ACYP2: variants seen among roughly 807,000 people sequenced by gnomAD.
The protein encoded by ACYP2 is acylphosphatase 2, also known as acylphosphatase-2.
Under a neutral mutation model 11.2 loss-of-function variants are expected in ACYP2, and 12 were observed. The ratio of observed to expected loss-of-function variants is 1.08; its 90% CI spans 0.69 to 1.74. The LOEUF (loss-of-function observed/expected upper bound fraction) is 1.74, where lower values mean the gene tolerates loss of function less well. Among genes scored for constraint, ACYP2 ranks in the 40% most tolerant of loss-of-function variants. The probability of loss-of-function intolerance (pLI) is 0.00; values close to 1 mark genes in which losing one functional copy is unlikely to be tolerated. For missense variants in ACYP2, 134 were observed against 101.9 expected (o/e 1.31, Z -1.35); for synonymous variants, 43 against 32.2 (o/e 1.33, Z -1.13).
intron 6 of ACYP2, among the ~76,000 whole-genome samples, chr2:54,217,751 TA>T (rs1231917403): frequency 1.3e-5 from 2 of 151,818 alleles, no homozygotes; most frequent in African/African-American, 2.4e-5. Flanking sequence ...GATCATGGGT[TA>T]AAAAAAAGTA....
intron 6 of ACYP2, among the ~76,000 whole-genome samples, chr2:54,168,353 G>A (rs1309485294): frequency 2.6e-5 from 4 of 152,166 alleles, no homozygotes; most frequent in African/African-American, 7.2e-5. Flanking sequence ...CTGAAACCGG[G>A]AAGCAGAGGT....
intron 4 of ACYP2, among the ~76,000 whole-genome samples, chr2:54,117,200 G>C (rs1048813094): frequency 6.6e-6 from 1 of 152,136 alleles, no homozygotes; most frequent in Non-Finnish European, 1.5e-5. Context: ...AGTTATTATT[G>C]AAATTATTAT....
chr2:54,101,737 T>C (rs1482034732), intron 4 of ACYP2, among the ~76,000 whole-genome samples: 2 of 152,132 alleles, frequency 1.3e-5, no homozygotes, highest in African/African-American at 4.8e-5. Context: ...CTTCTTTCTT[T>C]CTTTCCTCCC....
intron 6 of ACYP2, among the ~76,000 whole-genome samples, chr2:54,268,639 C>CA (rs34122735): frequency 0.2 from 16,180 of 81,012 alleles, 1,139 homozygotes; most frequent in East Asian, 0.23. Flanking sequence ...CAGTCTCTAC[C>CA]AAAAAAAAAA....
At chr2:54,198,495 G>A (rs1684612205) in intron 6 of ACYP2, among the ~76,000 whole-genome samples, 1 of 151,452 alleles carries the variant, frequency 6.6e-6, no homozygotes, top group South Asian at 2.1e-4. Context: ...TCAAAAAGCA[G>A]GGGGAAGAGA....
At chr2:54,050,084 G>T (rs1034765970) in intron 2 of ACYP2, among the ~76,000 whole-genome samples, 3 of 151,974 alleles carry the variant, frequency 2.0e-5, no homozygotes, top group African/African-American at 7.3e-5. Flanking sequence ...ATAGGTTCTT[G>T]GAAACTGCAA....
At chr2:54,029,708 A>T in intron 2 of ACYP2, 2 of 566,806 alleles carry the variant, frequency 3.5e-6, no homozygotes, top group South Asian at 3.0e-5. Flanking sequence ...TTCTCTTGGC[A>T]GGAATCTTGC....
At chr2:54,249,961 A>G (rs932844709) in intron 6 of ACYP2, among the ~76,000 whole-genome samples, 7 of 151,434 alleles carry the variant, frequency 4.6e-5, no homozygotes, top group East Asian at 1.9e-4. Flanking sequence ...AAAAAAAAAA[A>G]AAAAAGAAAA....
chr2:54,127,246 T>A (rs1680571538), intron 4 of ACYP2, among the ~76,000 whole-genome samples: 1 of 152,206 alleles, frequency 6.6e-6, no homozygotes, highest in Admixed American at 6.5e-5. Context: ...TCTTCAGTGC[T>A]ATGCTTCTAT....
chr2:54,005,847 G>A (rs773989372), intron 2 of ACYP2, among the ~76,000 whole-genome samples: 4 of 152,152 alleles, frequency 2.6e-5, no homozygotes, highest in Non-Finnish European at 5.9e-5. Flanking sequence ...GAATCAGTTG[G>A]TTAAAAATCA....
intron 6 of ACYP2, among the ~76,000 whole-genome samples, chr2:54,216,513 T>C (rs1420127791): frequency 2.0e-5 from 3 of 147,342 alleles, no homozygotes; most frequent in Non-Finnish European, 4.5e-5. Context: ...TTGATGAATC[T>C]TTTTTTTTTA....
At chr2:53,989,268 T>C (rs1672171530) in intron 2 of ACYP2, among the ~76,000 whole-genome samples, 1 of 146,294 alleles carries the variant, frequency 6.8e-6, no homozygotes, top group African/African-American at 2.5e-5. Context: ...GTCAGATTGG[T>C]AGACAATTCT....
chr2:54,151,058 C>T (rs1424536012), intron 6 of ACYP2, among the ~76,000 whole-genome samples: 4 of 152,110 alleles, frequency 2.6e-5, no homozygotes, highest in African/African-American at 9.7e-5. Flanking sequence ...TGTTTCTATA[C>T]AGAGCTGATG....
chr2:54,202,793 G>A (rs745689290), intron 6 of ACYP2, among the ~76,000 whole-genome samples: 3 of 126,050 alleles, frequency 2.4e-5, no homozygotes, highest in African/African-American at 9.2e-5. Flanking sequence ...GAACTTTTGG[G>A]CTCAAGTGAT....
chr2:54,004,406 T>G (rs1672950967), intron 2 of ACYP2, among the ~76,000 whole-genome samples: 3 of 77,906 alleles, frequency 3.9e-5, no homozygotes, highest in African/African-American at 1.2e-4. Context: ...AGTTTAGCCT[T>G]TTTTTTTTTT....
intron 6 of ACYP2, among the ~76,000 whole-genome samples, chr2:54,240,441 C>T (rs560982381): frequency 2.0e-5 from 3 of 152,192 alleles, no homozygotes; most frequent in Admixed American, 2.0e-4. Flanking sequence ...ACCTTTGTAG[C>T]CTGGAGAACT....
chr2:54,197,962 G>A lies in ACYP2; in HGVS notation c.404+59214G>A, dbSNP rs986992790. On this transcript the variant is annotated intron_variant, in intron 6 of 6. Transcript: ENST00000607452. ...GTATTATATTGTATTGTATTGTATTGTATTGTATTGTATTGTATTGTATTG... is the reference window on the plus strand; with the variant it reads ...GTATTATATTGTATTGTATTGTATTATATTGTATTGTATTGTATTGTATTG... Among the ~76,000 whole-genome samples the A allele has an allele frequency of 1.4e-4, 9 of 63,210 alleles. No homozygotes were observed. In the East Asian group the frequency reaches 1.5e-3, roughly 11 times the overall value. 41.5% of individuals were successfully genotyped at this position (63,210 alleles called of 152,430 possible).
Position 53,974,987 on chromosome 2 carries a change from TAGA to T in ACYP2, c.62+1182_62+1184del, listed in dbSNP as rs1271315606. 2.0e-5 allele frequency among the ~76,000 whole-genome samples: 3 copies of T among 152,068 alleles called. No homozygotes were observed. The East Asian group carries it at 5.8e-4, about 29-fold the overall frequency. ...AAAGGATTCGCCTGAGCAAGGGATCTAGAAGAATAGAAATGTTTGGATTTAAGA... is the reference window on the plus strand; with the variant it reads ...AAAGGATTCGCCTGAGCAAGGGATCTAGAATAGAAATGTTTGGATTTAAGA... On this transcript the variant is annotated intron_variant, in intron 2 of 6. Coordinates refer to ENST00000607452, the MANE Select transcript of ACYP2 (RefSeq NM_001320586.2).
intron 1 of ACYP2, among the ~76,000 whole-genome samples, chr2:53,973,219 G>C (rs916345248): frequency 4.6e-5 from 7 of 152,204 alleles, no homozygotes; most frequent in Admixed American, 1.3e-4. Flanking sequence ...TGTCGTTGGA[G>C]TGTAGAATAG....
Sources: allele counts gnomAD v4.1 joint callset (sites outside exome capture counted in the v4.1 genomes callset), GRCh38; gene constraint gnomAD v4.1.1; transcripts MANE v1.5; gene names NCBI Gene and HGNC (gene_info 2026-07-23, HGNC 2026-07-21).